Variants in STPG1 observed in about 807,000 individuals in gnomAD.
STPG1 encodes the protein O(6)-methylguanine-induced apoptosis 2.
STPG1 carries 33 observed loss-of-function variants against 40.1 expected under a neutral mutation model. The ratio of observed to expected loss-of-function variants is 0.82; its 90% CI spans 0.62 to 1.10. The LOEUF (loss-of-function observed/expected upper bound fraction) is 1.10. Ranked by LOEUF, STPG1 falls within the 50% of genes least tolerant of loss-of-function variation. The probability of loss-of-function intolerance (pLI) is 0.00; values close to 1 mark genes in which losing one functional copy is unlikely to be tolerated. For synonymous variants in STPG1, 150 were observed against 155.0 expected (o/e 0.97, Z 0.24); for missense variants, 396 against 415.1 (o/e 0.95, Z 0.40).
At chr1:24,364,401 C>T (rs576250609) in intron 7 of STPG1, 26 of 1,510,864 alleles carry the variant, frequency 1.7e-5, no homozygotes, top group Middle Eastern at 1.7e-4. Flanking sequence ...GGTGGAAGGA[C>T]GACGGCAGGT....
rs1334538510 is a variant in STPG1 at position 24,377,185 on chromosome 1, G to T, written c.462+2468C>A. ...CAGGAGAATTACTTGAATTGGGGAG[G>T]CGGAGGTTGCAGTGAGCCAAGATCG... On this transcript the variant is annotated intron_variant, in intron 5 of 8. Coordinates refer to ENST00000337248, the MANE Select transcript of STPG1 (RefSeq NM_001199013.2). Among the ~76,000 whole-genome samples the T allele has an allele frequency of 2.0e-5, 3 of 152,106 alleles. No homozygotes were observed. In the East Asian group the frequency reaches 5.8e-4, roughly 29 times the overall value.
At chr1:24,378,688 T>C (rs1016584211) in intron 5 of STPG1, among the ~76,000 whole-genome samples, 1 of 152,188 alleles carries the variant, frequency 6.6e-6, no homozygotes, top group Non-Finnish European at 1.5e-5. Context: ...AAAATAATTA[T>C]TAATTATCAA....
chr1:24,362,661 TGACA>T (rs758266194), intron 7 of STPG1, among the ~76,000 whole-genome samples: 12 of 152,326 alleles, frequency 7.9e-5, no homozygotes, highest in East Asian at 1.9e-4. Context: ...TGCTGCTTGG[TGACA>T]GACAGGCAAC....
intron 1 of STPG1, among the ~76,000 whole-genome samples, chr1:24,405,755 A>C (rs1332640354): frequency 1.3e-5 from 2 of 152,142 alleles, no homozygotes; most frequent in Non-Finnish European, 2.9e-5. Context: ...AATTGACCCC[A>C]TTATCATTAC....
intron 5 of STPG1, among the ~76,000 whole-genome samples, chr1:24,374,622 C>A (rs1047353159): frequency 1.3e-5 from 2 of 149,102 alleles, no homozygotes; most frequent in Non-Finnish European, 3.0e-5. Flanking sequence ...ATTGTTGCTA[C>A]TTTTTTTTTG....
chr1:24,367,455 T>TATA (rs1295369830), intron 7 of STPG1, among the ~76,000 whole-genome samples: 1 of 152,242 alleles, frequency 6.6e-6, no homozygotes, highest in African/African-American at 2.4e-5. Flanking sequence ...AGCTGTATTG[T>TATA]ATAATATAGC....
At chr1:24,363,635 T>C (rs144332998) in intron 7 of STPG1, among the ~76,000 whole-genome samples, 3 of 152,252 alleles carry the variant, frequency 2.0e-5, no homozygotes, top group Non-Finnish European at 4.4e-5. Flanking sequence ...GCTTTACTTG[T>C]AACATTTGTT....
rs565332698 is a variant in STPG1 at position 24,403,614 on chromosome 1, T to C, written c.-68-2158A>G. Among the ~76,000 whole-genome samples the C allele has an allele frequency of 2.6e-5, 4 of 152,264 alleles. No individual in the cohort carries two copies. In the East Asian group the frequency reaches 7.7e-4, roughly 29 times the overall value. On this transcript the variant is annotated intron_variant, in intron 1 of 8. Coordinates refer to ENST00000337248, the MANE Select transcript of STPG1 (RefSeq NM_001199013.2). ...TAATATGGTATACTCTCCATTTATT[T>C]TGATATTATTTAATTTCTCAGCAAT...
rs753421357 is a variant in STPG1, at chr1:24,358,553, G to A, written c.995C>T (p.Pro332Leu). Residue 332 changes from proline (P) to leucine (L), a missense_variant, in exon 9 of 9, where the codon CCG becomes CTG. Pro to Leu is a moderately conservative substitution (Grantham distance 98). Transcript: ENST00000337248. ...FLYNEDKKWI[P>L]VL ...CCTTGTGTGACATCCCTACAGAACCGGGATCCATTTCTTGTCCTCGTTGTA... is the reference window on the plus strand; with the variant it reads ...CCTTGTGTGACATCCCTACAGAACCAGGATCCATTTCTTGTCCTCGTTGTA... The A allele has an allele frequency of 3.1e-6, 5 of 1,613,716 alleles. No individual in the cohort carries two copies. The highest frequency in any genetic ancestry group is 1.3e-5 in the African/African-American group (1 of 74,912).
At chr1:24,405,715 A>T (rs1352653627) in intron 1 of STPG1, among the ~76,000 whole-genome samples, 1 of 152,160 alleles carries the variant, frequency 6.6e-6, no homozygotes, top group Non-Finnish European at 1.5e-5. Context: ...CAGGTGCATG[A>T]ACATTTATAA....
intron 7 of STPG1, among the ~76,000 whole-genome samples, chr1:24,364,869 T>C (rs1392121296): frequency 6.6e-6 from 1 of 152,224 alleles, no homozygotes; most frequent in Admixed American, 6.5e-5. Context: ...TAAGTGTGTT[T>C]GCAGCTTCCA....
chr1:24,397,803 G>A (rs1407222317), intron 2 of STPG1, among the ~76,000 whole-genome samples: 1 of 151,944 alleles, frequency 6.6e-6, no homozygotes, highest in Non-Finnish European at 1.5e-5. Flanking sequence ...TTTTATTGTT[G>A]AGTAATATTC....
Position 24,391,550 on chromosome 1 carries a change from A to T in STPG1, c.189+11T>A. On this transcript the variant is annotated intron_variant, in intron 3 of 8. Coordinates refer to ENST00000337248, the MANE Select transcript of STPG1 (RefSeq NM_001199013.2). ...ACTAAAACGAAAGAACCCCTGAGAC[A>T]ACGTCATTACCTTCTTATGAGGAAA... 6.8e-7 allele frequency: 1 copy of T among 1,473,714 alleles called. No individual in the cohort carries two copies. The highest frequency in any genetic ancestry group is 2.0e-5 in the Admixed American group (1 of 50,018). 91.3% of individuals were successfully genotyped at this position (1,473,714 alleles called of 1,614,324 possible). A position where few individuals can be genotyped will look rare whatever the true frequency, so the allele number is the denominator to read the frequency against.
At chr1:24,405,922 T>C (rs750946672) in intron 1 of STPG1, among the ~76,000 whole-genome samples, 4 of 152,140 alleles carry the variant, frequency 2.6e-5, no homozygotes, top group Non-Finnish European at 4.4e-5. Flanking sequence ...TATATTTAAT[T>C]ATTGAGTTTT....
chr1:24,370,789 C>CT (rs34898446), intron 6 of STPG1, among the ~76,000 whole-genome samples: 60,687 of 147,012 alleles, frequency 0.41, 12,312 homozygotes, highest in Admixed American at 0.46. Flanking sequence ...CTGTGCCCAG[C>CT]TTTTTTTTTT....
chr1:24,406,675 TCTCCCAAGAACTTTTATATTA>T (rs1273547657), intron 1 of STPG1, among the ~76,000 whole-genome samples: 1 of 152,126 alleles, frequency 6.6e-6, no homozygotes, highest in Non-Finnish European at 1.5e-5. Context: ...TCTTCCTACC[TCTCCCAAGAACTTTTATATTA>T]CTCCTTTGTC....
rs751611780 is a variant in STPG1, at chr1:24,373,830, C to G, written c.463-20G>C. 14 of 1,510,418 alleles carry G rather than the reference C, an allele frequency of 9.3e-6. 1 individual carries two copies. In the South Asian group the frequency reaches 1.6e-4, roughly 17 times the overall value. 93.6% of individuals were successfully genotyped at this position (1,510,418 alleles called of 1,614,324 possible). On this transcript the variant is annotated intron_variant, in intron 5 of 8. Transcript: ENST00000337248. ...AGAGGCCTAGGGGGAGAAAATACACCCAATGTACTCAGTACCTTTCCTTTC... is the reference window on the plus strand; with the variant it reads ...AGAGGCCTAGGGGGAGAAAATACACGCAATGTACTCAGTACCTTTCCTTTC...
At chr1:24,382,629 T>C (rs770741368) in intron 4 of STPG1, among the ~76,000 whole-genome samples, 9 of 152,224 alleles carry the variant, frequency 5.9e-5, no homozygotes, top group Non-Finnish European at 1.0e-4. Flanking sequence ...ATGGCTGTTC[T>C]GTGGACCTAC....
chr1:24,371,182 A>G (rs1170490114), intron 6 of STPG1, among the ~76,000 whole-genome samples: 1 of 152,114 alleles, frequency 6.6e-6, no homozygotes, highest in African/African-American at 2.4e-5. Context: ...AATAATCACA[A>G]TTTTCAATAA....
Sources: allele counts gnomAD v4.1 joint callset (sites outside exome capture counted in the v4.1 genomes callset), GRCh38; gene constraint gnomAD v4.1.1; transcripts MANE v1.5; gene names NCBI Gene and HGNC (gene_info 2026-07-23, HGNC 2026-07-21).